FNDC3B: variants seen among roughly 807,000 people sequenced by gnomAD.
FNDC3B encodes the protein fibronectin type III domain-containing protein 3B.
FNDC3B carries 12 observed loss-of-function variants against 151.5 expected under a neutral mutation model. The observed-to-expected ratio is 0.08, with a 90% CI of 0.05 to 0.13. The LOEUF is 0.13. Ranked by LOEUF, FNDC3B falls within the 10% of genes least tolerant of loss-of-function variation. FNDC3B has a pLI of 1.00. For missense variants in FNDC3B, 1,214 were observed against 1,505.3 expected (o/e 0.81, Z 3.20); for synonymous variants, 528 against 549.0 (o/e 0.96, Z 0.54).
intron 23 of FNDC3B, 112 bp downstream of exon 23, chr3:172,362,957 A>G: frequency 1.2e-6 from 1 of 816,756 alleles, no homozygotes; most frequent in Admixed American, 2.6e-5. Flanking sequence ...CTTCTTGTTC[A>G]GAGGCTTCCT....
At chr3:172,075,754 CACACACACACACAA>C (rs1161962633) in intron 1 of FNDC3B, among the ~76,000 whole-genome samples, 18 of 151,040 alleles carry the variant, frequency 1.2e-4, no homozygotes, top group African/African-American at 4.4e-4. Flanking sequence ...CACACACACA[CACACACACACACAA>C]ACATTTATAT....
chr3:172,286,731 T>C (rs1287682693), intron 7 of FNDC3B, among the ~76,000 whole-genome samples: 1 of 152,042 alleles, frequency 6.6e-6, no homozygotes. Flanking sequence ...GTGTTGCCGT[T>C]GGGAGGGGTG....
At chr3:172,066,721 T>TAA (rs1717518073) in intron 1 of FNDC3B, among the ~76,000 whole-genome samples, 2 of 152,240 alleles carry the variant, frequency 1.3e-5, no homozygotes, top group Non-Finnish European at 1.5e-5. Flanking sequence ...TTTTGTGTTT[T>TAA]CGAAGAAAAT....
rs60149192 is a variant in FNDC3B at position 172,090,678 on chromosome 3, C to T, written c.-28-21774C>T. On this transcript the variant is annotated intron_variant, in intron 1 of 25. Coordinates refer to ENST00000415807, the MANE Select transcript of FNDC3B (RefSeq NM_022763.4). The stretch of plus-strand genomic sequence containing the variant: ...AAATTATTCTTTACCTTGTGTGATC[C>T]GGGTACTGAAGATAATACAGATTGA... Among the ~76,000 whole-genome samples, 1,375 of 152,128 alleles carry T rather than the reference C, an allele frequency of 9.0e-3. 15 individuals are homozygous for T. The highest frequency in any genetic ancestry group is 0.012 in the Non-Finnish European group (783 of 68,010).
chr3:172,313,226 TCTC>T (rs1387082982), intron 11 of FNDC3B, among the ~76,000 whole-genome samples: 13 of 152,160 alleles, frequency 8.5e-5, no homozygotes, highest in Admixed American at 8.5e-4. Flanking sequence ...TTTCTAGACA[TCTC>T]CTGCCCCCTC....
Position 172,247,792 on chromosome 3 carries a change from T to C in FNDC3B, c.508+16T>C, listed in dbSNP as rs375179019. On this transcript the variant is annotated intron_variant, in intron 5 of 25. Transcript: ENST00000415807. ...GGTGAGCAAGGTGAGTAGATTTTCG[T>C]TGGCGTCAGGAGCCGTTGAAACTGA... 393 of 1,613,888 alleles carry C rather than the reference T, an allele frequency of 2.4e-4. 2 individuals are homozygous for C. Among genetic ancestry groups the C allele is most frequent in the South Asian group, 6.1e-4 (56 of 91,088 alleles).
intron 1 of FNDC3B, among the ~76,000 whole-genome samples, chr3:172,065,346 T>G (rs965611512): frequency 2.6e-5 from 4 of 151,822 alleles, no homozygotes; most frequent in Non-Finnish European, 4.4e-5. Context: ...GAAAAAAAAT[T>G]TTTGGTAGAC....
At chr3:172,390,999 C>T (rs1166339828) in intron 25 of FNDC3B, among the ~76,000 whole-genome samples, 2 of 152,204 alleles carry the variant, frequency 1.3e-5, no homozygotes, top group East Asian at 3.9e-4. Context: ...CGGTGTCACA[C>T]TGTAGTCATT....
chr3:172,275,504 G>T (rs1174624318), intron 6 of FNDC3B, among the ~76,000 whole-genome samples: 1 of 152,184 alleles, frequency 6.6e-6, no homozygotes, highest in Non-Finnish European at 1.5e-5. Context: ...CATAGCTTTG[G>T]CCTAGAGTAG....
intron 4 of FNDC3B, among the ~76,000 whole-genome samples, chr3:172,227,995 T>C (rs1394925808): frequency 2.6e-5 from 4 of 152,236 alleles, no homozygotes; most frequent in Non-Finnish European, 4.4e-5. Flanking sequence ...CTTACCCATT[T>C]TTTCAAGTGT....
chr3:172,261,200 C>G (rs567070426), intron 6 of FNDC3B, among the ~76,000 whole-genome samples: 1 of 152,288 alleles, frequency 6.6e-6, no homozygotes, highest in African/African-American at 2.4e-5. Context: ...TTAAGTAGAT[C>G]ATGGGGGTGG....
chr3:172,309,769 G>A (rs1428663370), intron 10 of FNDC3B, among the ~76,000 whole-genome samples: 3 of 152,076 alleles, frequency 2.0e-5, no homozygotes, highest in Non-Finnish European at 4.4e-5. Flanking sequence ...TATAAAACTG[G>A]GTAGTTTAGT....
In FNDC3B at chr3:172,188,015, G is replaced by A. The variant is rs1170511988; in HGVS notation, c.188-38856G>A. Among the ~76,000 whole-genome samples, 6 of 127,632 alleles carry A rather than the reference G, an allele frequency of 4.7e-5. No individual in the cohort carries two copies. The Middle Eastern group carries it at 0.014, about 287-fold the overall frequency. The allele number at this position is 127,632 out of a possible 152,430, so 83.7% of individuals were successfully genotyped here. A position where few individuals can be genotyped will look rare whatever the true frequency, so the allele number is the denominator to read the frequency against. On this transcript the variant is annotated intron_variant, in intron 3 of 25. Transcript: ENST00000415807. ...TAAGCAGTTTTTTTTTTTTTTTTGA[G>A]ACGGAGTTCTGTTCTTGTTGCCCAG...
chr3:172,247,589 G>A lies in FNDC3B; in HGVS notation c.321G>A (p.Glu107=), dbSNP rs1430046750. Residue 107 remains glutamate, a synonymous_variant, in exon 5 of 26, where the codon GAG becomes GAA. Transcript: ENST00000415807. ...RRVVVTPQSP[E]CYPPSYPSAM... ...TGGTGGTCACACCCCAGTCTCCTGA[G>A]TGTTATCCCCCAAGCTACCCCTCAG... 2 of 1,614,020 alleles carry A rather than the reference G, an allele frequency of 1.2e-6. No homozygotes were observed. The highest frequency in any genetic ancestry group is 3.3e-5 in the Admixed American group (2 of 60,008).
At chr3:172,054,733 C>T (rs960394346) in intron 1 of FNDC3B, among the ~76,000 whole-genome samples, 1 of 152,120 alleles carries the variant, frequency 6.6e-6, no homozygotes, top group Non-Finnish European at 1.5e-5. Flanking sequence ...GTAGGGGGTG[C>T]AGCACCTCCA....
At chr3:172,051,236 A>C (rs1244604156) in intron 1 of FNDC3B, among the ~76,000 whole-genome samples, 1 of 150,932 alleles carries the variant, frequency 6.6e-6, no homozygotes, top group Non-Finnish European at 1.5e-5. Context: ...GGCATGCGCC[A>C]CCATACCTGG....
intron 1 of FNDC3B, among the ~76,000 whole-genome samples, chr3:172,078,079 CA>C (rs1328221756): frequency 2.0e-4 from 30 of 152,126 alleles, no homozygotes; most frequent in Non-Finnish European, 4.0e-4. Flanking sequence ...CTCCTGGGAT[CA>C]AGCGATTCTC....
chr3:172,167,240 A>G (rs1167785447), intron 3 of FNDC3B, among the ~76,000 whole-genome samples: 1 of 152,218 alleles, frequency 6.6e-6, no homozygotes, highest in Non-Finnish European at 1.5e-5. Context: ...TATTAAAAAT[A>G]AAAAAGTTAG....
intron 3 of FNDC3B, among the ~76,000 whole-genome samples, chr3:172,214,349 TC>T (rs1365183837): frequency 6.6e-6 from 1 of 152,212 alleles, no homozygotes; most frequent in Non-Finnish European, 1.5e-5. Flanking sequence ...ACTAATCATC[TC>T]ACAGCCCATT....
Sources: gnomAD v4.1 joint callset for allele counts (sites outside exome capture counted in the v4.1 genomes callset) on GRCh38, gnomAD v4.1.1 for gene constraint, MANE v1.5 for transcripts, NCBI Gene and HGNC (gene_info 2026-07-23, HGNC 2026-07-21) for gene names.